The following GPC5 variants were observed in gnomAD, a reference collection of about 807,000 sequenced individuals.
The protein encoded by GPC5 is glypican-5.
A neutral mutation model predicts 53.9 loss-of-function variants in GPC5; 47 were observed. That is an observed-to-expected ratio of 0.87 (90% CI 0.69 to 1.11). The LOEUF is 1.11. Ranked by LOEUF, GPC5 falls within the 50% of genes most tolerant of loss-of-function variation. GPC5 has a pLI of 0.00. For synonymous variants in GPC5, 286 were observed against 263.3 expected, an observed-to-expected ratio of 1.09 and a Z score of -0.84; for missense variants, 748 against 713.1, an observed-to-expected ratio of 1.05 and a Z score of -0.56.
intron 6 of GPC5, among the ~76,000 whole-genome samples, chr13:92,107,493 G>T (rs1017533876): frequency 6.6e-6 from 1 of 151,840 alleles, no homozygotes; most frequent in Non-Finnish European, 1.5e-5. Flanking sequence ...ATAATGTAAG[G>T]CCACTTTTTA....
rs75953838 is a variant in GPC5 at position 92,423,871 on chromosome 13, G to C, written c.1561+278882G>C. ...ACAGCATGCTTTTAATGCATACTAC[G>C]CAGACTCAGTATCAGAGCCGCGTTA... On this transcript the variant is annotated intron_variant, in intron 7 of 7. Transcript: ENST00000377067. Among the ~76,000 whole-genome samples the C allele has an allele frequency of 2.2e-4, 34 of 152,196 alleles. 1 individual carries two copies. The South Asian group carries it at 4.8e-3, about 21-fold the overall frequency.
intron 7 of GPC5, among the ~76,000 whole-genome samples, chr13:92,618,687 T>TAAAAAAAAAAA (rs5805756): frequency 1.4e-5 from 2 of 137,990 alleles, no homozygotes; most frequent in African/African-American, 2.7e-5. Flanking sequence ...TAAAAAATGT[T>TAAAAAAAAAAA]AAAAAAAAAA....
chr13:91,429,002 C>T (rs574238659), intron 1 of GPC5, among the ~76,000 whole-genome samples: 1 of 152,274 alleles, frequency 6.6e-6, no homozygotes, highest in East Asian at 1.9e-4. Flanking sequence ...TCACTGCAAC[C>T]TCTGCCTCCT....
chr13:92,450,128 G>T (rs1877999776), intron 7 of GPC5, among the ~76,000 whole-genome samples: 1 of 152,014 alleles, frequency 6.6e-6, no homozygotes, highest in African/African-American at 2.4e-5. Flanking sequence ...CATTTACAAT[G>T]AACCTTGAAA....
intron 7 of GPC5, among the ~76,000 whole-genome samples, chr13:92,150,872 A>G (rs942654353): frequency 1.4e-5 from 2 of 147,596 alleles, no homozygotes; most frequent in East Asian, 4.0e-4. Flanking sequence ...AAGTGTAACT[A>G]TATGATCAAT....
chr13:91,980,812 A>T (rs1462634604), intron 6 of GPC5, among the ~76,000 whole-genome samples: 1 of 152,210 alleles, frequency 6.6e-6, no homozygotes, highest in Non-Finnish European at 1.5e-5. Context: ...TTCTAAGACT[A>T]TAGGTTAGTT....
chr13:91,465,803 G>T (rs552477649), intron 2 of GPC5, among the ~76,000 whole-genome samples: 2 of 151,958 alleles, frequency 1.3e-5, no homozygotes, highest in South Asian at 2.1e-4. Flanking sequence ...TGATTCTTTT[G>T]AATATTTTAC....
At chr13:92,184,713 A>C (rs2042171948) in intron 7 of GPC5, among the ~76,000 whole-genome samples, 1 of 152,228 alleles carries the variant, frequency 6.6e-6, no homozygotes, top group Admixed American at 6.5e-5. Context: ...AAGTGTGTGT[A>C]ATGAGAGAAA....
chr13:92,590,635 G>A (rs1021183156), intron 7 of GPC5, among the ~76,000 whole-genome samples: 21 of 152,054 alleles, frequency 1.4e-4, no homozygotes, highest in African/African-American at 4.8e-4. Context: ...ATCTGGAACC[G>A]AGGACTCCTC....
At chr13:92,498,292 T>A (rs1331604353) in intron 7 of GPC5, among the ~76,000 whole-genome samples, 2 of 152,136 alleles carry the variant, frequency 1.3e-5, no homozygotes, top group Admixed American at 1.3e-4. Flanking sequence ...GCATGCACAA[T>A]GGGCTTTTAG....
intron 7 of GPC5, among the ~76,000 whole-genome samples, chr13:92,344,096 C>A (rs2043390040): frequency 6.9e-6 from 1 of 144,860 alleles, no homozygotes; most frequent in Non-Finnish European, 1.5e-5. Flanking sequence ...CTAGAAATAC[C>A]TGAGACTGGG....
At chr13:91,843,880 T>C (rs1417081000) in intron 5 of GPC5, among the ~76,000 whole-genome samples, 1 of 152,200 alleles carries the variant, frequency 6.6e-6, no homozygotes, top group African/African-American at 2.4e-5. Context: ...AGAGAGCATA[T>C]GAAGGATTAA....
chr13:91,982,660 C>T (rs1287611172), intron 6 of GPC5, among the ~76,000 whole-genome samples: 1 of 152,038 alleles, frequency 6.6e-6, no homozygotes, highest in African/African-American at 2.4e-5. Context: ...CTATTAGTGA[C>T]ATAAAAGTGG....
intron 6 of GPC5, among the ~76,000 whole-genome samples, chr13:92,141,438 G>A (rs2041829798): frequency 1.3e-5 from 2 of 152,202 alleles, no homozygotes; most frequent in South Asian, 4.1e-4. Context: ...AACTGAAAAG[G>A]TTTTTCTGAG....
chr13:92,808,263 CTCTT>C (rs1421842793), intron 7 of GPC5, among the ~76,000 whole-genome samples: 2 of 152,048 alleles, frequency 1.3e-5, no homozygotes, highest in African/African-American at 4.8e-5. Context: ...AATTTACTTT[CTCTT>C]TAAGAAACTT....
chr13:92,483,900 G>A (rs894668268), intron 7 of GPC5, among the ~76,000 whole-genome samples: 1 of 151,994 alleles, frequency 6.6e-6, no homozygotes, highest in Non-Finnish European at 1.5e-5. Context: ...GGTCAAGGTG[G>A]GAAAAGGCCT....
At chr13:91,981,133 G>T (rs956095284) in intron 6 of GPC5, among the ~76,000 whole-genome samples, 2 of 152,086 alleles carry the variant, frequency 1.3e-5, no homozygotes, top group African/African-American at 4.8e-5. Context: ...GTGGAACCAC[G>T]TATGTTCATG....
chr13:92,062,422 CAG>C (rs1160504335), intron 6 of GPC5, among the ~76,000 whole-genome samples: 1 of 151,924 alleles, frequency 6.6e-6, no homozygotes, highest in East Asian at 1.9e-4. Context: ...AAAAATAAAT[CAG>C]AGTGTTTCCT....
intron 7 of GPC5, among the ~76,000 whole-genome samples, chr13:92,695,042 G>A (rs1315262811): frequency 6.6e-6 from 1 of 152,142 alleles, no homozygotes; most frequent in Non-Finnish European, 1.5e-5. Flanking sequence ...GAAGTGCGTT[G>A]CTTCCCCTTC....
Sources: gnomAD v4.1 joint callset for allele counts (sites outside exome capture counted in the v4.1 genomes callset) on GRCh38, gnomAD v4.1.1 for gene constraint, MANE v1.5 for transcripts, NCBI Gene and HGNC (gene_info 2026-07-23, HGNC 2026-07-21) for gene names.